The following EXOC4 variants were observed in gnomAD, a reference collection of about 807,000 sequenced individuals.
EXOC4 encodes SEC8-like 1.
EXOC4 carries 71 observed loss-of-function variants against 107.2 expected under a neutral mutation model. That is an observed-to-expected ratio of 0.66 (90% CI 0.55 to 0.81). EXOC4 has a LOEUF of 0.81. Ranked by LOEUF, EXOC4 falls within the 30% of genes least tolerant of loss-of-function variation. The probability of loss-of-function intolerance (pLI) is 0.00; values close to 1 mark genes in which losing one functional copy is unlikely to be tolerated. For missense variants in EXOC4, 1,108 were observed against 1,189.6 expected (o/e 0.93, Z 1.01); for synonymous variants, 456 against 441.2 (o/e 1.03, Z -0.42).
At chr7:133,620,565 T>G (rs1194904304) in intron 9 of EXOC4, among the ~76,000 whole-genome samples, 2 of 152,220 alleles carry the variant, frequency 1.3e-5, no homozygotes, top group Non-Finnish European at 2.9e-5. Flanking sequence ...AATGTTCATC[T>G]GCTGATAAAT....
chr7:133,953,313 G>A (rs558739508), intron 14 of EXOC4, among the ~76,000 whole-genome samples: 37 of 151,948 alleles, frequency 2.4e-4, no homozygotes, highest in Admixed American at 1.2e-3. Context: ...TTGGCCAGGC[G>A]GTGGCCAGGC....
At chr7:134,024,217 G>A (rs1261077109) in intron 17 of EXOC4, among the ~76,000 whole-genome samples, 8 of 152,162 alleles carry the variant, frequency 5.3e-5, no homozygotes, top group Admixed American at 1.3e-4. Context: ...TTGGGAGGCC[G>A]AGGCAGGCGG....
At chr7:133,980,003 C>T (rs1297859752) in intron 14 of EXOC4, among the ~76,000 whole-genome samples, 2 of 152,062 alleles carry the variant, frequency 1.3e-5, no homozygotes, top group Admixed American at 6.5e-5. Context: ...ACTGAACTGG[C>T]GACTGGAGAA....
At chr7:133,365,090 G>A (rs1029376879) in intron 6 of EXOC4, among the ~76,000 whole-genome samples, 7 of 152,138 alleles carry the variant, frequency 4.6e-5, no homozygotes, top group South Asian at 4.1e-4. Context: ...GTTGAGAAGC[G>A]TGAAAAGCAG....
intron 10 of EXOC4, among the ~76,000 whole-genome samples, chr7:133,752,015 T>TAAATAAATAAATAAATA (rs1446670388): frequency 5.7e-5 from 6 of 105,546 alleles, no homozygotes; most frequent in South Asian, 5.9e-4. Flanking sequence ...ATAAATAAAT[T>TAAATAAATAAATAAATA]ATCTGGGCAC....
At chr7:133,481,835 AG>A (rs1419227317) in intron 9 of EXOC4, among the ~76,000 whole-genome samples, 2 of 152,188 alleles carry the variant, frequency 1.3e-5, no homozygotes, top group African/African-American at 4.8e-5. Context: ...AAGGACAGAA[AG>A]GAGTGAAGGA....
downstream of EXOC4, among the ~76,000 whole-genome samples, chr7:134,068,171 C>G (rs539941728): frequency 6.6e-6 from 1 of 152,286 alleles, no homozygotes; most frequent in South Asian, 2.1e-4. Context: ...TTGTGAAAAG[C>G]CTCTGCTTTT....
intron 12 of EXOC4, among the ~76,000 whole-genome samples, chr7:133,910,941 A>C (rs1799679579): frequency 6.6e-6 from 1 of 152,166 alleles, no homozygotes; most frequent in African/African-American, 2.4e-5. Flanking sequence ...TCCAGGGACC[A>C]TGCACACTCG....
intron 9 of EXOC4, among the ~76,000 whole-genome samples, chr7:133,523,934 T>C (rs951664737): frequency 3.8e-4 from 57 of 151,720 alleles, no homozygotes; most frequent in African/African-American, 1.4e-3. Context: ...AGCAGCATGA[T>C]TTATAGTCAT....
At chr7:133,774,733 G>C (rs1796311271) in intron 10 of EXOC4, among the ~76,000 whole-genome samples, 1 of 152,010 alleles carries the variant, frequency 6.6e-6, no homozygotes, top group Non-Finnish European at 1.5e-5. Context: ...TTTCCATTGG[G>C]TTTAGTGCAT....
At chr7:133,833,172 A>G (rs919728170) in intron 11 of EXOC4, among the ~76,000 whole-genome samples, 9 of 95,390 alleles carry the variant, frequency 9.4e-5, no homozygotes, top group African/African-American at 2.4e-4. Context: ...AACTTAACAC[A>G]ATGATTTTTC....
chr7:133,972,266 C>T (rs1396482276), intron 14 of EXOC4, among the ~76,000 whole-genome samples: 1 of 152,050 alleles, frequency 6.6e-6, no homozygotes, highest in Non-Finnish European at 1.5e-5. Flanking sequence ...TCTTTTTCTC[C>T]TTCTTACATT....
At chr7:134,007,541 C>T in intron 16 of EXOC4, 135 bp from the exon 17 acceptor site, 1 of 720,874 alleles carries the variant, frequency 1.4e-6, no homozygotes, top group East Asian at 3.0e-5. Context: ...CAGATGCAAC[C>T]ATCAGAGGTA....
At chr7:133,479,834 A>T in intron 8 of EXOC4, 1 of 547,722 alleles carries the variant, frequency 1.8e-6, no homozygotes, top group Admixed American at 3.0e-5. Flanking sequence ...AAAAGATCCA[A>T]ATACGGTTGT....
At chr7:133,751,238 A>G (rs1562982380) in intron 10 of EXOC4, among the ~76,000 whole-genome samples, 1 of 152,226 alleles carries the variant, frequency 6.6e-6, no homozygotes, top group East Asian at 1.9e-4. Flanking sequence ...TAATTGCACT[A>G]GTATTCACCA....
rs372512235 is a variant in EXOC4 at position 133,495,551 on chromosome 7, A to G, written c.1417+15413A>G. 4.6e-5 allele frequency among the ~76,000 whole-genome samples: 7 copies of G among 152,174 alleles called. 1 individual carries two copies. Among genetic ancestry groups the G allele is most frequent in the African/African-American group, 1.7e-4 (7 of 41,528 alleles). On this transcript the variant is annotated intron_variant, in intron 9 of 17. Coordinates refer to ENST00000253861, the MANE Select transcript of EXOC4 (RefSeq NM_021807.4). ...CAACACTATTCTGATTTCTAACTCT[A>G]TCTCTTAGTTTTACCTATTCTTTAA...
intron 11 of EXOC4, among the ~76,000 whole-genome samples, chr7:133,864,056 A>G (rs1798588021): frequency 6.6e-6 from 1 of 152,154 alleles, no homozygotes; most frequent in Admixed American, 6.5e-5. Context: ...ATTGCTGACC[A>G]TGTCTCTGCT....
At chr7:133,630,480 A>G (rs977405037) in intron 10 of EXOC4, among the ~76,000 whole-genome samples, 7 of 152,164 alleles carry the variant, frequency 4.6e-5, no homozygotes, top group South Asian at 2.1e-4. Context: ...TACTCTGCAC[A>G]CGTATTTTTA....
chr7:133,298,910 G>T (rs1323343252), intron 3 of EXOC4, among the ~76,000 whole-genome samples: 1 of 152,058 alleles, frequency 6.6e-6, no homozygotes, highest in Non-Finnish European at 1.5e-5. Flanking sequence ...TTAAATATGG[G>T]GAATTGGTTT....
Sources: allele counts gnomAD v4.1 joint callset (sites outside exome capture counted in the v4.1 genomes callset), GRCh38; gene constraint gnomAD v4.1.1; transcripts MANE v1.5; gene names NCBI Gene and HGNC (gene_info 2026-07-23, HGNC 2026-07-21).